The following FRMPD4 variants were observed in gnomAD, a reference collection of about 807,000 sequenced individuals.
The protein encoded by FRMPD4 is FERM and PDZ domain containing 4, also known as FERM and PDZ domain-containing protein 4.
FRMPD4 carries 22 observed loss-of-function variants against 94.1 expected under a neutral mutation model. The observed-to-expected ratio is 0.23, with a 90% CI of 0.17 to 0.33. FRMPD4 has a LOEUF of 0.33. Ranked by LOEUF, FRMPD4 falls within the 10% of genes least tolerant of loss-of-function variation. FRMPD4 has a pLI of 1.00. For missense variants in FRMPD4, 1,111 were observed against 1,339.9 expected, an observed-to-expected ratio of 0.83 and a Z score of 2.67; for synonymous variants, 631 against 548.6, an observed-to-expected ratio of 1.15 and a Z score of -2.10.
Position 12,055,523 on chromosome X carries a change from A to G in FRMPD4, c.95+177505A>G, listed in dbSNP as rs953228956. Among the ~76,000 whole-genome samples the G allele has an allele frequency of 2.7e-5, 3 of 112,148 alleles. No homozygotes were observed. The Admixed American group carries it at 2.8e-4, about 11-fold the overall frequency. On this transcript the variant is annotated intron_variant, in intron 3 of 18. Transcript: ENST00000640291. ...ATTGGAGGCTTCCTGAGGCCTCACC[A>G]GAAGCCAGGCAGATGCTGGTGCCAT... is the stretch of plus-strand genomic sequence containing the variant.
intron 1 of FRMPD4, among the ~76,000 whole-genome samples, chrX:12,158,479 T>C (rs1246062914): frequency 1.8e-5 from 2 of 112,124 alleles, no homozygotes; most frequent in African/African-American, 6.5e-5. Flanking sequence ...ACAAACTGAA[T>C]ATATCTGTGA....
intron 4 of FRMPD4, among the ~76,000 whole-genome samples, chrX:12,671,356 C>T (rs1467261357): frequency 5.4e-5 from 6 of 111,917 alleles, no homozygotes; most frequent in African/African-American, 2.0e-4. Context: ...CAATGATAGA[C>T]TGGATAAAGA....
chrX:12,686,824 G>GT (rs1380691003), intron 7 of FRMPD4, among the ~76,000 whole-genome samples: 1 of 111,421 alleles, frequency 9.0e-6, no homozygotes, highest in Non-Finnish European at 1.9e-5. Flanking sequence ...AAAGCATATG[G>GT]TTTTTTTCCC....
At chrX:12,443,935 A>T (rs1197579371) in intron 1 of FRMPD4, among the ~76,000 whole-genome samples, 2 of 111,729 alleles carry the variant, frequency 1.8e-5, no homozygotes, top group Admixed American at 1.9e-4. Flanking sequence ...TCATTTCTCT[A>T]CTTTCTGAAT....
At chrX:12,320,493 C>T (rs944512925) in intron 1 of FRMPD4, among the ~76,000 whole-genome samples, 2 of 111,845 alleles carry the variant, frequency 1.8e-5, no homozygotes, top group Non-Finnish European at 3.8e-5. Flanking sequence ...ATGACCGAAT[C>T]GCTGCTCCTT....
chrX:12,537,214 A>G (rs946097440), intron 2 of FRMPD4, among the ~76,000 whole-genome samples: 1 of 111,434 alleles, frequency 9.0e-6, no homozygotes, highest in Non-Finnish European at 1.9e-5. Flanking sequence ...AAGACTCTTC[A>G]GGGTTGTTTT....
chrX:12,662,030 T>A (rs947342000), intron 4 of FRMPD4, among the ~76,000 whole-genome samples: 7 of 111,597 alleles, frequency 6.3e-5, no homozygotes, highest in African/African-American at 2.0e-4. Flanking sequence ...GCAAGTGGCT[T>A]CATCACAAAA....
At chrX:12,428,529 C>T (rs1276791336) in intron 1 of FRMPD4, among the ~76,000 whole-genome samples, 1 of 111,177 alleles carries the variant, frequency 9.0e-6, no homozygotes, top group Non-Finnish European at 1.9e-5. Flanking sequence ...CAAGTGAAGA[C>T]AGCCATCATC....
intron 3 of FRMPD4, among the ~76,000 whole-genome samples, chrX:12,131,017 T>C (rs1341227230): frequency 8.9e-6 from 1 of 111,900 alleles, no homozygotes; most frequent in African/African-American, 3.2e-5. Flanking sequence ...TCCCCGTGCC[T>C]CTCCATACCT....
In FRMPD4 at chrX:12,718,508, G is replaced by A. The variant is rs140005767; in HGVS notation, c.3682G>A (p.Gly1228Ser). 5.0e-6 allele frequency: 6 copies of A among 1,199,976 alleles called. No individual in the cohort carries two copies. The highest frequency in any genetic ancestry group is 3.5e-5 in the African/African-American group (2 of 57,621). Residue 1228 changes from glycine (G) to serine (S), a missense_variant, in exon 16 of 17, where the codon GGC becomes AGC. Physicochemically the swap from Gly to Ser is moderately conservative, Grantham distance 56. Coordinates refer to ENST00000675598, the MANE Select transcript of FRMPD4 (RefSeq NM_001368397.1). Reference protein sequence around the residue: ...VDAGCGTGSSGSACATPVESP... With the variant: ...VDAGCGTGSSSSACATPVESP... ...TGCAGGCTGTGGCACAGGCAGCAGT[G>A]GCAGTGCCTGTGCCACACCCGTGGA... is the stretch of plus-strand genomic sequence containing the variant.
At chrX:12,155,861 A>G (rs1439768897) in intron 1 of FRMPD4, among the ~76,000 whole-genome samples, 1 of 108,247 alleles carries the variant, frequency 9.2e-6, no homozygotes. Context: ...TTTAAAATAA[A>G]GTTTTATTAG....
At chrX:11,935,219 C>A (rs2147355500) in intron 3 of FRMPD4, among the ~76,000 whole-genome samples, 1 of 58,975 alleles carries the variant, frequency 1.7e-5, no homozygotes, top group South Asian at 1.3e-3. Context: ...ATTAAAATAA[C>A]AAACATTTCC....
At chrX:12,017,691 A>G (rs2054611354) in intron 3 of FRMPD4, among the ~76,000 whole-genome samples, 1 of 112,069 alleles carries the variant, frequency 8.9e-6, no homozygotes. Flanking sequence ...TAAAGACTAT[A>G]TGGTTTTCTG....
intron 1 of FRMPD4, among the ~76,000 whole-genome samples, chrX:12,384,447 GAC>G (rs2056369717): frequency 9.0e-6 from 1 of 111,711 alleles, no homozygotes; most frequent in Admixed American, 9.5e-5. Flanking sequence ...GAGCCCAGGA[GAC>G]TGAGGCTGCA....
intron 3 of FRMPD4, among the ~76,000 whole-genome samples, chrX:11,919,528 C>A (rs1461141631): frequency 1.8e-5 from 2 of 109,207 alleles, no homozygotes; most frequent in East Asian, 2.9e-4. Flanking sequence ...CTTCAGGGAA[C>A]TTCTAGGGAG....
At chrX:12,583,574 A>G in intron 2 of FRMPD4, 1 of 711,250 alleles carries the variant, frequency 1.4e-6, no homozygotes, top group Non-Finnish European at 2.1e-6. Context: ...AGCCAGGCCT[A>G]ACCGCACCAG....
intron 1 of FRMPD4, among the ~76,000 whole-genome samples, chrX:12,265,854 C>T (rs1353588164): frequency 2.7e-5 from 3 of 109,769 alleles, no homozygotes; most frequent in Non-Finnish European, 3.8e-5. Flanking sequence ...AAAAGCCGGG[C>T]GCGGTGGCTC....
intron 3 of FRMPD4, among the ~76,000 whole-genome samples, chrX:12,021,291 A>T (rs138408763): frequency 0.015 from 1,703 of 111,827 alleles, 5 homozygotes; most frequent in South Asian, 0.018. Flanking sequence ...TTCAAGTGAT[A>T]TATAAAAACA....
chrX:12,564,111 G>C (rs1338453667), intron 2 of FRMPD4, among the ~76,000 whole-genome samples: 1 of 111,607 alleles, frequency 9.0e-6, no homozygotes, highest in Non-Finnish European at 1.9e-5. Flanking sequence ...AGAGAGAGAA[G>C]AAGCAAGCTC....
Sources: allele counts gnomAD v4.1 joint callset (sites outside exome capture counted in the v4.1 genomes callset), GRCh38; gene constraint gnomAD v4.1.1; transcripts MANE v1.5; gene names NCBI Gene and HGNC (gene_info 2026-07-23, HGNC 2026-07-21).